The following CFAP65 variants were observed in gnomAD, a reference collection of about 807,000 sequenced individuals.
CFAP65 encodes the protein cilia- and flagella-associated protein 65.
Under a neutral mutation model 208.0 loss-of-function variants are expected in CFAP65, and 155 were observed. The ratio of observed to expected loss-of-function variants is 0.75; its 90% CI spans 0.65 to 0.85. CFAP65 has a LOEUF of 0.85. CFAP65 is among the 40% of genes least tolerant of loss of function. The pLI is 0.00. For synonymous variants in CFAP65, 970 were observed against 986.3 expected, an observed-to-expected ratio of 0.98 and a Z score of 0.31; for missense variants, 2,294 against 2,451.3, an observed-to-expected ratio of 0.94 and a Z score of 1.36.
At chr2:219,041,522 A>G, upstream of CFAP65, 1 of 1,550,526 alleles carries the variant, frequency 6.4e-7, no homozygotes, top group Non-Finnish European at 8.7e-7. Flanking sequence ...TAGATACAGG[A>G]CGCGCAGGAA....
Position 219,031,756 on chromosome 2 carries a change from G to A in CFAP65, c.646-98C>T. On this transcript the variant is annotated intron_variant, in intron 6 of 34. Transcript: ENST00000341552. The surrounding 1 kb of genome is among the most constrained non-coding windows in gnomAD (Gnocchi z 5.2). The stretch of plus-strand genomic sequence containing the variant: ...AGCCACCCCCAACACAACCGCTGAG[G>A]GGAGGGCCAGGCCGTGGCACCCACG... 3 of 1,443,614 alleles carry A rather than the reference G, an allele frequency of 2.1e-6. No homozygotes were observed. Among genetic ancestry groups the A allele is most frequent in the Non-Finnish European group, 2.8e-6 (3 of 1,069,200 alleles). The allele number at this position is 1,443,614 out of a possible 1,614,324, so 89.4% of individuals were successfully genotyped here.
chr2:219,010,775 A>T lies in CFAP65; in HGVS notation c.4149+30T>A, dbSNP rs377094156. The stretch of plus-strand genomic sequence containing the variant: ...CTGCTGAGGAAGCCAGCACCACCCC[A>T]CCTCCCACGTCATCCAGGTTGCTGC... On this transcript the variant is annotated intron_variant, in intron 25 of 34. Transcript: ENST00000341552. 9.4e-6 allele frequency: 15 copies of T among 1,589,012 alleles called. No individual in the cohort carries two copies. In the African/African-American group the frequency reaches 1.3e-4, roughly 14 times the overall value.
rs568591993 is a variant in CFAP65, at chr2:219,004,720, T to A, written c.5052-265A>T. 6.7e-5 allele frequency among the ~76,000 whole-genome samples: 10 copies of A among 149,942 alleles called. No homozygotes were observed. Among genetic ancestry groups the A allele is most frequent in the Non-Finnish European group, 1.3e-4 (9 of 67,730 alleles). On this transcript the variant is annotated intron_variant, in intron 32 of 34. Coordinates refer to ENST00000341552, the MANE Select transcript of CFAP65 (RefSeq NM_194302.4). The surrounding 1 kb of genome is among the most constrained non-coding windows in gnomAD (Gnocchi z 4.7). The stretch of plus-strand genomic sequence containing the variant: ...CAGGAACCCTGGGGAGATAGTGGAC[T>A]GGCTCCAGACTCATCTGCCAGCCCT...
chr2:219,023,893 C>A, intron 15 of CFAP65, 122 bp downstream of exon 15: 1 of 1,225,824 alleles, frequency 8.2e-7, no homozygotes, highest in Non-Finnish European at 1.2e-6. Flanking sequence ...TATGCTACTT[C>A]CTGGAGGAGA....
intron 21 of CFAP65, 161 bp downstream of exon 21, chr2:219,018,890 C>T: frequency 1.0e-6 from 1 of 956,510 alleles, no homozygotes; most frequent in Non-Finnish European, 1.6e-6. Context: ...CTGCTGGCAA[C>T]CCCAGTTCCA....
At position 219,039,065 on chromosome 2, in the gene CFAP65, T is replaced by C. The variant is rs4672910; in HGVS notation, c.-2-15A>G. On this transcript the variant is annotated splice_polypyrimidine_tract_variant and intron_variant, in intron 2 of 34. Coordinates refer to ENST00000341552, the MANE Select transcript of CFAP65 (RefSeq NM_194302.4). ...GGTAAACATCACTGAAATAAATCAATCAAAGCATAAGTCAATCCATCTCCA... is the reference window on the plus strand; with the variant it reads ...GGTAAACATCACTGAAATAAATCAACCAAAGCATAAGTCAATCCATCTCCA... 983,244 of 1,583,120 alleles carry C rather than the reference T, an allele frequency of 0.62. 316,503 individuals are homozygous for C. Among genetic ancestry groups the C allele is most frequent in the Non-Finnish European group, 0.67 (773,731 of 1,162,628 alleles).
rs1389119400 is a variant in CFAP65 at position 219,003,721 on chromosome 2, G to A, written c.5555+231C>T. 6.6e-6 allele frequency among the ~76,000 whole-genome samples: 1 copy of A among 152,170 alleles called. No homozygotes were observed. The highest frequency in any genetic ancestry group is 1.5e-5 in the Non-Finnish European group (1 of 68,030). ...TTTGCAGACTATAACAATTCTCCTG[G>A]TAAGTTGGTAAATGTCAACAACTAG... is the stretch of plus-strand genomic sequence containing the variant. On this transcript the variant is annotated intron_variant, in intron 33 of 34. Coordinates refer to ENST00000341552, the MANE Select transcript of CFAP65 (RefSeq NM_194302.4). The surrounding 1 kb of genome is among the most constrained non-coding windows in gnomAD (Gnocchi z 4.4).
chr2:219,010,841 CA>C lies in CFAP65; in HGVS notation c.4112del (p.Leu1371CysfsTer39). 4.3e-6 allele frequency: 7 copies of C among 1,611,388 alleles called. No homozygotes were observed. The highest frequency in any genetic ancestry group is 5.9e-6 in the Non-Finnish European group (7 of 1,178,114). ...TGGCCTCGATAGGTGAGAAGATCCACAAGACCCGGGCAGTGCTGCCTGGCTG... is the reference window on the plus strand; with the variant it reads ...TGGCCTCGATAGGTGAGAAGATCCACAGACCCGGGCAGTGCTGCCTGGCTG... ...EIQPGSTARV[L>X]WIFSPIEAKT... On this transcript the variant is annotated frameshift_variant, in exon 25 of 35. Coordinates refer to ENST00000341552, the MANE Select transcript of CFAP65 (RefSeq NM_194302.4). LOFTEE classifies it high-confidence loss of function.
intron 21 of CFAP65, chr2:219,018,387 G>A (rs934285559): frequency 1.3e-5 from 2 of 152,172 alleles, no homozygotes; most frequent in Non-Finnish European, 2.9e-5. Flanking sequence ...CCCTCAGCCA[G>A]GACCCTCGGG....
At chr2:219,007,181 TG>T (rs2106070225) in intron 29 of CFAP65, among the ~76,000 whole-genome samples, 1 of 143,190 alleles carries the variant, frequency 7.0e-6, no homozygotes, top group African/African-American at 3.0e-5. Context: ...TTTTTTTCTT[TG>T]TTTTTTTTTT....
intron 24 of CFAP65, 74 bp from the exon 25 acceptor site, chr2:219,011,070 C>G: frequency 7.0e-7 from 1 of 1,419,098 alleles, no homozygotes; most frequent in East Asian, 2.3e-5. Flanking sequence ...GATGCTGTGC[C>G]CACTGTGGGA....
chr2:219,004,339 T>A lies in CFAP65; in HGVS notation c.5168A>T (p.Asn1723Ile), dbSNP rs774154389. 8.7e-6 allele frequency: 14 copies of A among 1,614,124 alleles called. No individual in the cohort carries two copies. The Admixed American group carries it at 2.3e-4, about 27-fold the overall frequency. The stretch of plus-strand genomic sequence containing the variant: ...CAGGATTGGCATTAAGTACAGGCTG[T>A]TTTTCTGGTCCATGAACTTAGTTGA... ...EQSTKFMDQK[N>I]SLYLMPILPV... is the part of the protein sequence containing the mutation. The change falls in exon 33 of 35, where the codon AAC (asparagine) becomes ATC (isoleucine). Residue 1723 changes from asparagine to isoleucine, a missense_variant. This residue lies in a region of CFAP65 where 1,427 missense variants were observed against 1,438.7 expected (regional missense o/e 0.99). Coordinates refer to ENST00000341552, the MANE Select transcript of CFAP65 (RefSeq NM_194302.4). This position sits in a 1 kb window ranked among gnomAD's most constrained non-coding sequence, Gnocchi z 4.7.
At chr2:219,034,527 A>G (rs893548896) in intron 5 of CFAP65, 1 of 152,240 alleles carries the variant, frequency 6.6e-6, no homozygotes, top group Non-Finnish European at 1.5e-5. Flanking sequence ...AAAGACTGAT[A>G]AAGTTGATAC....
chr2:219,010,412 G>C (rs1209208044), intron 26 of CFAP65, 134 bp downstream of exon 26: 4 of 944,312 alleles, frequency 4.2e-6, no homozygotes, highest in Non-Finnish European at 6.2e-6. Flanking sequence ...GAGTTCCAAG[G>C]TCTCATCTCT....
chr2:219,040,619 C>A, intron 1 of CFAP65, 55 bp from the exon 2 acceptor site: 2 of 1,552,092 alleles, frequency 1.3e-6, no homozygotes, highest in Non-Finnish European at 1.7e-6. Context: ...GGTCTTGCAG[C>A]CCTGTCCTGA....
intron 8 of CFAP65, 114 bp downstream of exon 8, chr2:219,030,992 G>C: frequency 7.1e-7 from 1 of 1,411,008 alleles, no homozygotes; most frequent in Non-Finnish European, 9.6e-7. Flanking sequence ...GGGAGGGCAG[G>C]AGGCCGGTGG....
rs554601451 is a variant in CFAP65, at chr2:219,027,368, A to G, written c.2211+282T>C. 2.0e-5 allele frequency: 29 copies of G among 1,459,606 alleles called. No individual in the cohort carries two copies. In the Admixed American group the frequency reaches 2.3e-4, roughly 12 times the overall value. The allele number at this position is 1,459,606 out of a possible 1,614,324, so 90.4% of individuals were successfully genotyped here. A position where few individuals can be genotyped will look rare whatever the true frequency, so the allele number is the denominator to read the frequency against. On this transcript the variant is annotated intron_variant, in intron 13 of 34. Transcript: ENST00000341552. ...CTCCTAGCCAGGAGCCCCAGGGAGT[A>G]TCTCCCTGTGCACCCAGTTTTCCCA...
At chr2:219,024,851 G>A (rs1027466071) in intron 14 of CFAP65, among the ~76,000 whole-genome samples, 32 of 152,176 alleles carry the variant, frequency 2.1e-4, no homozygotes, top group Admixed American at 3.9e-4. Flanking sequence ...CTACAGAATC[G>A]CTTGAACCCA....
rs200780146 is a variant in CFAP65 at position 219,013,950 on chromosome 2, G to T, written c.3697C>A (p.Gln1233Lys). The T allele has an allele frequency of 2.3e-4, 377 of 1,613,626 alleles. No individual in the cohort carries two copies. Among genetic ancestry groups the T allele is most frequent in the Non-Finnish European group, 3.0e-4 (351 of 1,179,888 alleles). The change falls in exon 22 of 35, where the codon CAG becomes AAG. Residue 1233 changes from glutamine to lysine, a missense_variant. Transcript: ENST00000341552. Reference protein sequence around the residue: ...NSTELHQMRVQDNCLFSISPK... With the variant: ...NSTELHQMRVKDNCLFSISPK... The stretch of plus-strand genomic sequence containing the variant: ...CTGATGGAGAAGAGGCAATTGTCCT[G>T]CACGCGCATCTGGTGGAGCTCAGTG...
Sources: gnomAD v4.1 joint callset for allele counts (sites outside exome capture counted in the v4.1 genomes callset) on GRCh38, gnomAD v4.1.1 for gene constraint, gnomAD v4.1.1 regional missense constraint, Gnocchi (gnomAD v3.1) non-coding constraint, MANE v1.5 for transcripts, NCBI Gene and HGNC (gene_info 2026-07-23, HGNC 2026-07-21) for gene names.